ERC1: variants seen among roughly 807,000 people sequenced by gnomAD.
ERC1 encodes the protein ELKS/RAB6-interacting/CAST family member 1, also known as RAB6 interacting protein 2.
ERC1 carries 56 observed loss-of-function variants against 132.0 expected under a neutral mutation model. The ratio of observed to expected loss-of-function variants is 0.42; its 90% CI spans 0.34 to 0.53. The LOEUF is 0.53. Among genes scored for constraint, ERC1 ranks in the 20% least tolerant of loss-of-function variants. The pLI, the probability that ERC1 is intolerant of heterozygous loss-of-function variation, is 0.03. For synonymous variants in ERC1, 478 were observed against 476.1 expected, an observed-to-expected ratio of 1.00 and a Z score of -0.05; for missense variants, 1,202 against 1,349.9, an observed-to-expected ratio of 0.89 and a Z score of 1.72.
intron 3 of ERC1, among the ~76,000 whole-genome samples, chr12:1,100,351 A>C (rs1944526665): frequency 6.6e-6 from 1 of 152,204 alleles, no homozygotes; most frequent in Non-Finnish European, 1.5e-5. Flanking sequence ...GATCATGTAG[A>C]GCCTTCTAGG....
rs2094341858 is a variant in ERC1 at position 1,494,073 on chromosome 12, T to C, written c.*3843T>C. The C allele has an allele frequency of 4.3e-6, 1 of 231,372 alleles. No homozygotes were observed. The highest frequency in any genetic ancestry group is 8.5e-6 in the Non-Finnish European group (1 of 117,306). 14.3% of individuals were successfully genotyped at this position (231,372 alleles called of 1,614,324 possible). Reference sequence around the variant, plus strand: ...CCGGTGTCAAGACCCTCAGAGTCTTTGAGGAAAGAGCCAAGCAGAGAAGAC... The same window carrying C: ...CCGGTGTCAAGACCCTCAGAGTCTTCGAGGAAAGAGCCAAGCAGAGAAGAC... On this transcript the variant is annotated 3_prime_UTR_variant, in exon 19 of 19. Coordinates refer to ENST00000360905, the MANE Select transcript of ERC1 (RefSeq NM_178040.4).
intron 17 of ERC1, among the ~76,000 whole-genome samples, chr12:1,415,562 A>G (rs1003096006): frequency 6.6e-5 from 10 of 152,236 alleles, no homozygotes; most frequent in African/African-American, 2.4e-4. Flanking sequence ...ACATCCTAAA[A>G]TTATTCTCAT....
At chr12:1,440,115 C>T (rs2093061509) in intron 17 of ERC1, among the ~76,000 whole-genome samples, 1 of 151,686 alleles carries the variant, frequency 6.6e-6, no homozygotes, top group Non-Finnish European at 1.5e-5. Context: ...TCACTTCAAA[C>T]ATTTATCTTT....
chr12:1,022,224 A>C (rs1966493562), intron 1 of ERC1, among the ~76,000 whole-genome samples: 1 of 152,200 alleles, frequency 6.6e-6, no homozygotes, highest in African/African-American at 2.4e-5. Flanking sequence ...GCCAAGAAGT[A>C]CATTTTATAT....
intron 16 of ERC1, among the ~76,000 whole-genome samples, chr12:1,375,085 C>T (rs2087730300): frequency 7.5e-6 from 1 of 133,356 alleles, no homozygotes; most frequent in South Asian, 2.2e-4. Flanking sequence ...TTGTTCTAGT[C>T]ATCTGGCAGA....
chr12:1,190,323 GT>G (rs138610226), intron 12 of ERC1: 2 of 469,872 alleles, frequency 4.3e-6, no homozygotes. Flanking sequence ...TAAAATTAAA[GT>G]TTTTTTTACT....
At chr12:1,371,200 T>C (rs971467803) in intron 15 of ERC1, among the ~76,000 whole-genome samples, 4 of 54,600 alleles carry the variant, frequency 7.3e-5, no homozygotes. Context: ...CATTTCCCCC[T>C]CTCTCCTCTG....
rs933446742 is a variant in ERC1, at chr12:1,145,229, C to T, written c.1737+3442C>T. On this transcript the variant is annotated intron_variant, in intron 8 of 18. Coordinates refer to ENST00000360905, the MANE Select transcript of ERC1 (RefSeq NM_178040.4). ...ACGGGGTTTCACCATGTTGGCCAGGCTGGTCTTGAACTCCTGATCTCAGGT... is the reference window on the plus strand; with the variant it reads ...ACGGGGTTTCACCATGTTGGCCAGGTTGGTCTTGAACTCCTGATCTCAGGT... Among the ~76,000 whole-genome samples the T allele has an allele frequency of 3.9e-5, 6 of 152,212 alleles. 1 individual carries two copies. The South Asian group carries it at 1.2e-3, about 32-fold the overall frequency.
At position 1,494,275 on chromosome 12, in the gene ERC1, C is replaced by T. The variant is rs1186729572; in HGVS notation, c.*4045C>T. On this transcript the variant is annotated 3_prime_UTR_variant, in exon 19 of 19. Coordinates refer to ENST00000360905, the MANE Select transcript of ERC1 (RefSeq NM_178040.4). ...GCAGGCACCCTCTGCAGAGTGAGGC[C>T]GCCCGTCCATCACTGCCAGCCCTGG... 4.3e-6 allele frequency: 1 copy of T among 231,982 alleles called. No homozygotes were observed. Among genetic ancestry groups the T allele is most frequent in the African/African-American group, 2.2e-5 (1 of 45,270 alleles). 14.4% of individuals were successfully genotyped at this position (231,982 alleles called of 1,614,324 possible).
At chr12:1,485,495 A>T (rs748424492) in intron 18 of ERC1, among the ~76,000 whole-genome samples, 1 of 152,024 alleles carries the variant, frequency 6.6e-6, no homozygotes, top group Admixed American at 6.6e-5. Flanking sequence ...GAGCCACTGC[A>T]TCTGGCCATA....
chr12:1,149,660 A>G (rs1267490541), intron 8 of ERC1, among the ~76,000 whole-genome samples: 5 of 152,076 alleles, frequency 3.3e-5, no homozygotes, highest in Non-Finnish European at 5.9e-5. Flanking sequence ...CGGCCTCCCA[A>G]AGTGCTACGA....
At chr12:1,369,199 CTAAGT>C (rs760617312) in intron 15 of ERC1, among the ~76,000 whole-genome samples, 1 of 152,182 alleles carries the variant, frequency 6.6e-6, no homozygotes, top group Non-Finnish European at 1.5e-5. Context: ...AATTAGAAAT[CTAAGT>C]TGTCATCTGT....
At chr12:1,141,599 G>A (rs1225114479) in intron 7 of ERC1, 21 bp from the exon 8 acceptor site, 3 of 1,581,328 alleles carry the variant, frequency 1.9e-6, no homozygotes, top group East Asian at 2.3e-5. Flanking sequence ...TTCATCACTT[G>A]TAAAACTCCT....
chr12:1,110,942 G>A (rs1340178479), intron 5 of ERC1, among the ~76,000 whole-genome samples: 1 of 152,132 alleles, frequency 6.6e-6, no homozygotes, highest in Admixed American at 6.5e-5. Flanking sequence ...GACCTCAGGT[G>A]ATCCACCCAC....
chr12:1,100,228 A>T (rs1234732587), intron 3 of ERC1, among the ~76,000 whole-genome samples: 1 of 152,024 alleles, frequency 6.6e-6, no homozygotes, highest in Admixed American at 6.6e-5. Context: ...GAAAGGCCTT[A>T]AGTCAAGAGG....
At chr12:1,024,881 A>C (rs1238911411) in intron 1 of ERC1, among the ~76,000 whole-genome samples, 4 of 151,984 alleles carry the variant, frequency 2.6e-5, no homozygotes, top group Non-Finnish European at 5.9e-5. Context: ...AAAAAATAAT[A>C]CAACATGGAA....
intron 1 of ERC1, among the ~76,000 whole-genome samples, chr12:1,021,408 T>A (rs946495497): frequency 2.0e-5 from 3 of 152,028 alleles, no homozygotes; most frequent in African/African-American, 4.8e-5. Flanking sequence ...TACTACTTAC[T>A]ATAAAAGTGG....
rs911993794 is a variant in ERC1, at chr12:1,367,396, TACTC to T, written c.2781-4435_2781-4432del. Among the ~76,000 whole-genome samples the T allele has an allele frequency of 1.2e-4, 18 of 152,354 alleles. 1 individual carries two copies. The highest frequency in any genetic ancestry group is 4.3e-4 in the African/African-American group (18 of 41,586). ...GATTACACAGTCATTCAATTTGACA[TACTC>T]AGTTGGAGGAGGAGCGAATAATAAA... On this transcript the variant is annotated intron_variant, in intron 15 of 18. Transcript: ENST00000360905.
At chr12:1,184,028 C>G (rs1335628189) in intron 11 of ERC1, among the ~76,000 whole-genome samples, 1 of 151,194 alleles carries the variant, frequency 6.6e-6, no homozygotes, top group Non-Finnish European at 1.5e-5. Context: ...CCTAGCTACT[C>G]AGGAGGCTGA....
Sources: gnomAD v4.1 joint callset for allele counts (sites outside exome capture counted in the v4.1 genomes callset) on GRCh38, gnomAD v4.1.1 for gene constraint, MANE v1.5 for transcripts, NCBI Gene and HGNC (gene_info 2026-07-23, HGNC 2026-07-21) for gene names.